Variants in APCDD1L observed in about 807,000 individuals in gnomAD.
APCDD1L encodes protein APCDD1-like.
APCDD1L carries 21 observed loss-of-function variants against 24.2 expected under a neutral mutation model. The ratio of observed to expected loss-of-function variants is 0.87; its 90% CI spans 0.61 to 1.25. The LOEUF is 1.25. APCDD1L is among the 50% of genes most tolerant of loss of function. APCDD1L has a pLI of 0.00. For synonymous variants in APCDD1L, 321 were observed against 323.6 expected (o/e 0.99, Z 0.09); for missense variants, 704 against 711.7 (o/e 0.99, Z 0.12).
At chr20:58,489,141 G>T (rs1410656319) in intron 1 of APCDD1L, among the ~76,000 whole-genome samples, 1 of 152,146 alleles carries the variant, frequency 6.6e-6, no homozygotes, top group Non-Finnish European at 1.5e-5. Context: ...TTCCATAACT[G>T]TTGAAGAAAT....
intron 1 of APCDD1L, among the ~76,000 whole-genome samples, chr20:58,495,303 A>C (rs1785963794): frequency 6.6e-6 from 1 of 152,228 alleles, no homozygotes; most frequent in South Asian, 2.1e-4. Context: ...CGATGATGGC[A>C]GAGTGTTAAG....
rs192443941 is a variant in APCDD1L at position 58,467,752 on chromosome 20, C to T, written c.189-94G>A. 580 of 1,270,478 alleles carry T rather than the reference C, an allele frequency of 4.6e-4. 3 individuals carry two copies. In the African/African-American group the frequency reaches 8.0e-3, roughly 17 times the overall value. The allele number at this position is 1,270,478 out of a possible 1,614,324, so 78.7% of individuals were successfully genotyped here. A position where few individuals can be genotyped will look rare whatever the true frequency, so the allele number is the denominator to read the frequency against. On this transcript the variant is annotated intron_variant, in intron 2 of 3. Coordinates refer to ENST00000371149, the MANE Select transcript of APCDD1L (RefSeq NM_153360.3). The surrounding 1 kb of genome is among the most constrained non-coding windows in gnomAD (Gnocchi z 5.9). ...GGCTGGGCTCCTTTCTCCCCCCCAG[C>T]CCTCCTCTTAGTCCTCAGCTCAGGC...
chr20:58,493,605 A>T lies in APCDD1L; in HGVS notation c.49+21054T>A, dbSNP rs931164449. Among the ~76,000 whole-genome samples the T allele has an allele frequency of 4.6e-5, 7 of 152,234 alleles. 1 individual carries two copies. The highest frequency in any genetic ancestry group is 3.9e-4 in the Admixed American group (6 of 15,286). On this transcript the variant is annotated intron_variant, in intron 1 of 3. Coordinates refer to ENST00000371149, the MANE Select transcript of APCDD1L (RefSeq NM_153360.3). ...CGAGTGCCAAAAGCAAACACAGAAG[A>T]ATACATACAGGGAGCTATGACTTTC...
In APCDD1L at chr20:58,472,013, C is replaced by T. The variant is rs1989819886; in HGVS notation, c.50-1266G>A. Reference sequence around the variant, plus strand: ...ATGGCGTGTTCTGTCCCTTTCCTGACCTTGCAGGCAGACCTTCCCAGCAAG... The same window carrying T: ...ATGGCGTGTTCTGTCCCTTTCCTGATCTTGCAGGCAGACCTTCCCAGCAAG... On this transcript the variant is annotated intron_variant, in intron 1 of 3. Coordinates refer to ENST00000371149, the MANE Select transcript of APCDD1L (RefSeq NM_153360.3). Among the ~76,000 whole-genome samples the T allele has an allele frequency of 2.0e-5, 3 of 152,322 alleles. No homozygotes were observed. The South Asian group carries it at 6.2e-4, about 32-fold the overall frequency.
intron 3 of APCDD1L, among the ~76,000 whole-genome samples, chr20:58,463,896 G>GT: frequency 9.1e-6 from 1 of 110,106 alleles, no homozygotes; most frequent in Non-Finnish European, 1.7e-5. Context: ...TTTTTTTTTG[G>GT]GGGGGGGGGG....
chr20:58,514,612 C>T (rs1990703148), intron 1 of APCDD1L, 47 bp downstream of exon 1: 1 of 1,301,958 alleles, frequency 7.7e-7, no homozygotes, highest in African/African-American at 1.5e-5. Flanking sequence ...GAGCTCCCTC[C>T]CTTCCGAGCT....
rs534445522 is a variant in APCDD1L at position 58,500,794 on chromosome 20, C to T, written c.49+13865G>A. On this transcript the variant is annotated intron_variant, in intron 1 of 3. Transcript: ENST00000371149. ...CATTCATCCTGGCTAAGGAAGCCAC[C>T]GTCTACCAGGAAAACCCTTCGCTGC... Among the ~76,000 whole-genome samples, 3 of 152,246 alleles carry T rather than the reference C, an allele frequency of 2.0e-5. No homozygotes were observed. The South Asian group carries it at 6.2e-4, about 32-fold the overall frequency.
rs544168052 is a variant in APCDD1L at position 58,467,184 on chromosome 20, C to T, written c.663G>A (p.Leu221=). 2.1e-4 allele frequency: 333 copies of T among 1,606,692 alleles called. 4 individuals carry two copies. In the South Asian group the frequency reaches 3.5e-3, roughly 17 times the overall value. The change falls in exon 3 of 4, where the codon CTG becomes CTA. Residue 221 remains leucine, a synonymous_variant. Transcript: ENST00000371149. The surrounding 1 kb of genome is among the most constrained non-coding windows in gnomAD (Gnocchi z 5.9). ...ASPRLVEELY[L]GDIHTDPAER... ...CCGCCGGGTCGGTGTGGATGTCCCC[C>T]AGGTACAGCTCCTCCACCAGCCGGG...
intron 1 of APCDD1L, among the ~76,000 whole-genome samples, chr20:58,512,165 G>A (rs1464724419): frequency 6.6e-6 from 1 of 152,202 alleles, no homozygotes; most frequent in Non-Finnish European, 1.5e-5. Flanking sequence ...GGGAGGGAGA[G>A]CAAATGGGAA....
At chr20:58,463,894 T>G (rs6128350) in intron 3 of APCDD1L, among the ~76,000 whole-genome samples, 2,240 of 52,302 alleles carry the variant, frequency 0.043, 42 homozygotes, top group Middle Eastern at 0.069. Flanking sequence ...AGTTTTTTTT[T>G]GGGGGGGGGG....
In APCDD1L at chr20:58,467,170, G is replaced by C; in HGVS notation, c.677C>G (p.Thr226Ser). The C allele has an allele frequency of 6.2e-7, 1 of 1,607,540 alleles. No individual in the cohort carries two copies. The highest frequency in any genetic ancestry group is 2.2e-5 in the East Asian group (1 of 44,826). The change falls in exon 3 of 4, where the codon ACC becomes AGC. Residue 226 changes from threonine (T) to serine (S), a missense_variant. Physicochemically the swap from Thr to Ser is moderately conservative, Grantham distance 58. Coordinates refer to ENST00000371149, the MANE Select transcript of APCDD1L (RefSeq NM_153360.3). The surrounding 1 kb of genome is among the most constrained non-coding windows in gnomAD (Gnocchi z 5.9). ...GTAGTGCCGCCTCTCCGCCGGGTCG[G>C]TGTGGATGTCCCCCAGGTACAGCTC... ...VEELYLGDIHTDPAERRHYRP... is the reference protein window; with the variant it reads ...VEELYLGDIHSDPAERRHYRP...
Position 58,508,799 on chromosome 20 carries a change from T to G in APCDD1L, c.49+5860A>C, listed in dbSNP as rs1990570642. Among the ~76,000 whole-genome samples the G allele has an allele frequency of 6.6e-6, 1 of 152,032 alleles. No homozygotes were observed. The highest frequency in any genetic ancestry group is 2.4e-5 in the African/African-American group (1 of 41,362). On this transcript the variant is annotated intron_variant, in intron 1 of 3. Coordinates refer to ENST00000371149, the MANE Select transcript of APCDD1L (RefSeq NM_153360.3). This position sits in a 1 kb window ranked among gnomAD's most constrained non-coding sequence, Gnocchi z 4.0. ...TCTTCTTGTGCAGCCTACTTTGTAGTGAGGAACAGACTGTAAACAGGGAAA... is the reference window on the plus strand; with the variant it reads ...TCTTCTTGTGCAGCCTACTTTGTAGGGAGGAACAGACTGTAAACAGGGAAA...
At chr20:58,506,016 GC>G (rs1040407975) in intron 1 of APCDD1L, among the ~76,000 whole-genome samples, 3 of 152,146 alleles carry the variant, frequency 2.0e-5, no homozygotes, top group Non-Finnish European at 4.4e-5. Flanking sequence ...AGGGAGCATG[GC>G]CCCACTGATA....
chr20:58,467,606 G>A lies in APCDD1L; in HGVS notation c.241C>T (p.Pro81Ser), dbSNP rs1989741301. 2 of 1,549,660 alleles carry A rather than the reference G, an allele frequency of 1.3e-6. No individual in the cohort carries two copies. The highest frequency in any genetic ancestry group is 2.8e-5 in the African/African-American group (2 of 71,186). ...TGGTGGGCTCGAAAGAGCCGGCTGGGGTAGAAGGTGTAGGCGCGGGTCAGG... is the reference window on the plus strand; with the variant it reads ...TGGTGGGCTCGAAAGAGCCGGCTGGAGTAGAAGGTGTAGGCGCGGGTCAGG... ...EFLTRAYTFYPSRLFRAHQFY... is the reference protein window; with the variant it reads ...EFLTRAYTFYSSRLFRAHQFY... The change falls in exon 3 of 4, where the codon CCC becomes TCC. Residue 81 changes from proline to serine, a missense_variant. Coordinates refer to ENST00000371149, the MANE Select transcript of APCDD1L (RefSeq NM_153360.3). The surrounding 1 kb of genome is among the most constrained non-coding windows in gnomAD (Gnocchi z 5.9).
At position 58,502,171 on chromosome 20, in the gene APCDD1L, C is replaced by T. The variant is rs551614117; in HGVS notation, c.49+12488G>A. ...AGGATGGAGTACCCTGGTGCGATCT[C>T]GGCTCACTGGAACCTGTCTCCAGGG... On this transcript the variant is annotated intron_variant, in intron 1 of 3. Transcript: ENST00000371149. Among the ~76,000 whole-genome samples, 12 of 152,216 alleles carry T rather than the reference C, an allele frequency of 7.9e-5. No homozygotes were observed. In the South Asian group the frequency reaches 1.5e-3, roughly 18 times the overall value.
intron 3 of APCDD1L, among the ~76,000 whole-genome samples, chr20:58,464,684 T>C (rs1206803950): frequency 2.0e-5 from 3 of 152,156 alleles, no homozygotes; most frequent in African/African-American, 7.2e-5. Context: ...GGCAATGAAT[T>C]TGGGGATCAA....
At chr20:58,464,511 GA>G (rs1468244837) in intron 3 of APCDD1L, among the ~76,000 whole-genome samples, 1 of 152,228 alleles carries the variant, frequency 6.6e-6, no homozygotes, top group African/African-American at 2.4e-5. Flanking sequence ...CCAGCCAGCA[GA>G]ATTCACACTT....
chr20:58,485,513 T>C (rs1401553352), intron 1 of APCDD1L, among the ~76,000 whole-genome samples: 1 of 152,138 alleles, frequency 6.6e-6, no homozygotes, highest in Non-Finnish European at 1.5e-5. Context: ...AAACAAGGGG[T>C]GCAAGTTAAT....
At chr20:58,470,958 C>T (rs1231930569) in intron 1 of APCDD1L, among the ~76,000 whole-genome samples, 1 of 152,192 alleles carries the variant, frequency 6.6e-6, no homozygotes, top group Non-Finnish European at 1.5e-5. Flanking sequence ...GACGCATCTC[C>T]TCCTGGGTTC....
Sources: allele counts gnomAD v4.1 joint callset (sites outside exome capture counted in the v4.1 genomes callset), GRCh38; gene constraint gnomAD v4.1.1; non-coding constraint Gnocchi (gnomAD v3.1); transcripts MANE v1.5; gene names NCBI Gene and HGNC (gene_info 2026-07-23, HGNC 2026-07-21).